The following PKP2 variants were observed in gnomAD, a reference collection of about 807,000 sequenced individuals.
PKP2 encodes plakophilin 2.
A neutral mutation model predicts 83.4 loss-of-function variants in PKP2; 73 were observed. The observed-to-expected ratio is 0.88, with a 90% confidence interval of 0.72 to 1.06. The LOEUF (loss-of-function observed/expected upper bound fraction) is 1.06, where lower values mean the gene tolerates loss of function less well. PKP2 is among the 50% of genes least tolerant of loss of function. PKP2 has a pLI of 0.00. For synonymous variants in PKP2, 409 were observed against 430.4 expected (o/e 0.95, Z 0.62); for missense variants, 966 against 1,065.4 (o/e 0.91, Z 1.30).
rs1330430218 is a variant in PKP2, at chr12:32,792,722, G to A, written c.2367C>T (p.Ser789=). The A allele has an allele frequency of 6.2e-7, 1 of 1,613,712 alleles. No individual in the cohort carries two copies. Among genetic ancestry groups the A allele is most frequent in the Non-Finnish European group, 8.5e-7 (1 of 1,179,688 alleles). ...CGGAAGCAGCTTTACTTGCTTTGTT[G>A]GAGGCATAGCTGAAAAGAAAAGGAC... ...MAISAGDAYA[S]NKASKAASVL... The change falls in exon 12 of 13, where the codon TCC becomes TCT. Residue 789 remains serine (S), a synonymous_variant. Coordinates refer to ENST00000340811, the MANE Select transcript of PKP2 (RefSeq NM_001005242.3).
At chr12:32,822,759 T>G in intron 7 of PKP2, 128 bp from the exon 8 acceptor site, 2 of 959,750 alleles carry the variant, frequency 2.1e-6, no homozygotes, top group South Asian at 2.7e-5. Context: ...AAACTGCGGG[T>G]TGCCTGGGGG....
At chr12:32,796,001 G>T in intron 11 of PKP2, 108 bp downstream of exon 11, 2 of 1,005,652 alleles carry the variant, frequency 2.0e-6, no homozygotes, top group Non-Finnish European at 3.2e-6. Flanking sequence ...CCTGTTTGCT[G>T]CCATGTTGCA....
chr12:32,842,746 C>A (rs1428791865), intron 5 of PKP2, among the ~76,000 whole-genome samples: 1 of 151,316 alleles, frequency 6.6e-6, no homozygotes, highest in East Asian at 2.0e-4. Context: ...GCAATCTCGG[C>A]TACCTGCAAC....
intron 3 of PKP2, among the ~76,000 whole-genome samples, chr12:32,873,904 T>A (rs1956913357): frequency 6.6e-6 from 1 of 152,166 alleles, no homozygotes. Flanking sequence ...ACCATCAGCC[T>A]CCAACTGGTC....
At chr12:32,883,638 A>G (rs1196904473) in intron 1 of PKP2, among the ~76,000 whole-genome samples, 2 of 152,164 alleles carry the variant, frequency 1.3e-5, no homozygotes, top group African/African-American at 4.8e-5. Context: ...TTCTATTTCA[A>G]AGGATTTGTT....
At chr12:32,893,497 A>G (rs983994035) in intron 1 of PKP2, 2 of 152,198 alleles carry the variant, frequency 1.3e-5, no homozygotes, top group African/African-American at 4.8e-5. Context: ...GTTTCATGGC[A>G]TGCTAATGTT....
chr12:32,873,972 A>T (rs559585738), intron 3 of PKP2, among the ~76,000 whole-genome samples: 1 of 151,930 alleles, frequency 6.6e-6, no homozygotes, highest in South Asian at 2.1e-4. Context: ...ATTCTTAAAA[A>T]CCTTTTTCAT....
chr12:32,816,794 G>A (rs898441703), intron 9 of PKP2, among the ~76,000 whole-genome samples: 1 of 133,006 alleles, frequency 7.5e-6, no homozygotes, highest in African/African-American at 2.8e-5. Flanking sequence ...AGTGGTATGA[G>A]ATGGCATCTC....
intron 5 of PKP2, among the ~76,000 whole-genome samples, chr12:32,846,535 G>C (rs145969684): frequency 6.6e-6 from 1 of 151,906 alleles, no homozygotes; most frequent in Admixed American, 6.6e-5. Context: ...ACCTGAGGTC[G>C]GGAGTTCGAG....
chr12:32,828,927 A>C (rs1362903483), intron 6 of PKP2, among the ~76,000 whole-genome samples: 1 of 143,596 alleles, frequency 7.0e-6, no homozygotes, highest in Non-Finnish European at 1.5e-5. Flanking sequence ...AGGAGGCAGA[A>C]ATTTTTTTTT....
chr12:32,864,896 A>T (rs1178072393), intron 4 of PKP2, among the ~76,000 whole-genome samples: 1 of 152,212 alleles, frequency 6.6e-6, no homozygotes, highest in African/African-American at 2.4e-5. Context: ...GAATCAGATG[A>T]TGAGAAGTTG....
intron 6 of PKP2, 33 bp from the exon 7 acceptor site, chr12:32,824,195 T>C: frequency 7.1e-7 from 1 of 1,416,660 alleles, no homozygotes; most frequent in Non-Finnish European, 9.9e-7. Context: ...AAAAAGTAAG[T>C]CTAGGCTGTG....
chr12:32,872,009 A>G (rs1236846247), intron 3 of PKP2, among the ~76,000 whole-genome samples: 2 of 152,010 alleles, frequency 1.3e-5, no homozygotes, highest in African/African-American at 4.8e-5. Flanking sequence ...CACTTATAAA[A>G]CATTTCTTGA....
intron 6 of PKP2, among the ~76,000 whole-genome samples, chr12:32,825,871 G>A (rs1956434798): frequency 1.3e-5 from 2 of 152,168 alleles, no homozygotes; most frequent in South Asian, 2.1e-4. Context: ...TCCAGCCTGG[G>A]TGACAGAGTA....
At chr12:32,896,122 C>A (rs752283500) in intron 1 of PKP2, among the ~76,000 whole-genome samples, 11 of 152,104 alleles carry the variant, frequency 7.2e-5, no homozygotes, top group African/African-American at 1.2e-4. Flanking sequence ...CTCCTTCTCC[C>A]AGAAAAAGAT....
chr12:32,841,017 G>A lies in PKP2; in HGVS notation c.1556+11C>T. ...GCATCTTCTATCAGGGCAGGGTACA[G>A]GTAGCATTACCTTAGGCATCCAGTG... On this transcript the variant is annotated intron_variant, in intron 6 of 12. Coordinates refer to ENST00000340811, the MANE Select transcript of PKP2 (RefSeq NM_001005242.3). 6.2e-7 allele frequency: 1 copy of A among 1,608,770 alleles called. No homozygotes were observed. The highest frequency in any genetic ancestry group is 8.5e-7 in the Non-Finnish European group (1 of 1,176,546).
At chr12:32,873,749 C>T (rs1318841448) in intron 3 of PKP2, among the ~76,000 whole-genome samples, 3 of 152,188 alleles carry the variant, frequency 2.0e-5, no homozygotes, top group Middle Eastern at 3.4e-3. Context: ...AGGCTGGTCT[C>T]AAACTCCTGA....
chr12:32,840,719 A>G (rs1956582299), intron 6 of PKP2, among the ~76,000 whole-genome samples: 1 of 152,220 alleles, frequency 6.6e-6, no homozygotes, highest in Non-Finnish European at 1.5e-5. Flanking sequence ...ACATCTTATC[A>G]TAATAAATTC....
intron 10 of PKP2, among the ~76,000 whole-genome samples, chr12:32,797,923 G>A (rs553695301): frequency 4.6e-5 from 7 of 152,106 alleles, no homozygotes; most frequent in South Asian, 2.1e-4. Flanking sequence ...TTAGAAGGCC[G>A]AGACAGGAGG....
Sources: allele counts gnomAD v4.1 joint callset (sites outside exome capture counted in the v4.1 genomes callset), GRCh38; gene constraint gnomAD v4.1.1; transcripts MANE v1.5; gene names NCBI Gene and HGNC (gene_info 2026-07-23, HGNC 2026-07-21).